TEAD1: variants seen among roughly 807,000 people sequenced by gnomAD.
TEAD1 encodes the protein transcriptional enhancer factor TEF-1.
In TEAD1, 9 loss-of-function variants were observed where a neutral mutation model predicts 54.9. The observed-to-expected ratio is 0.16, with a 90% CI of 0.10 to 0.29. TEAD1 has a LOEUF of 0.29. TEAD1 is among the 10% of genes least tolerant of loss of function. TEAD1 has a pLI of 1.00. For synonymous variants in TEAD1, 200 were observed against 187.8 expected (o/e 1.07, Z -0.53); for missense variants, 387 against 535.9 (o/e 0.72, Z 2.74).
At chr11:12,919,529 G>T (rs1266671766) in intron 10 of TEAD1, among the ~76,000 whole-genome samples, 2 of 151,864 alleles carry the variant, frequency 1.3e-5, no homozygotes, top group Non-Finnish European at 2.9e-5. Context: ...ATCTAGTTCT[G>T]TTACCCAGGC....
intron 9 of TEAD1, among the ~76,000 whole-genome samples, chr11:12,896,462 C>T (rs925299351): frequency 2.6e-5 from 4 of 152,180 alleles, no homozygotes; most frequent in African/African-American, 4.8e-5. Flanking sequence ...TTTCTGATAC[C>T]TTAAATATCT....
At chr11:12,936,285 C>T (rs944826577) in intron 12 of TEAD1, among the ~76,000 whole-genome samples, 8 of 152,020 alleles carry the variant, frequency 5.3e-5, no homozygotes, top group Admixed American at 2.0e-4. Context: ...ACTCAAAATA[C>T]GAGGGATAAT....
chr11:12,848,131 G>A (rs1341622862), intron 3 of TEAD1, among the ~76,000 whole-genome samples: 1 of 152,114 alleles, frequency 6.6e-6, no homozygotes, highest in Non-Finnish European at 1.5e-5. Flanking sequence ...TTCCGTCTTT[G>A]ATTACCATTG....
At chr11:12,683,189 A>G (rs1181836445) in intron 2 of TEAD1, among the ~76,000 whole-genome samples, 3 of 152,242 alleles carry the variant, frequency 2.0e-5, no homozygotes, top group Non-Finnish European at 1.5e-5. Flanking sequence ...AAGTTTCAAT[A>G]TGTATAAAAT....
At chr11:12,794,293 A>G (rs1945868092) in intron 3 of TEAD1, among the ~76,000 whole-genome samples, 1 of 152,170 alleles carries the variant, frequency 6.6e-6, no homozygotes, top group African/African-American at 2.4e-5. Context: ...TGTCATGTTC[A>G]TCTCTATCCT....
intron 3 of TEAD1, among the ~76,000 whole-genome samples, chr11:12,841,904 C>T (rs1947048569): frequency 6.6e-6 from 1 of 152,136 alleles, no homozygotes; most frequent in African/African-American, 2.4e-5. Flanking sequence ...CTTACCCGTT[C>T]ATATGAAATA....
At chr11:12,677,514 G>GA (rs1189207098) in intron 2 of TEAD1, among the ~76,000 whole-genome samples, 1 of 151,998 alleles carries the variant, frequency 6.6e-6, no homozygotes, top group African/African-American at 2.4e-5. Context: ...AAGTCATAAG[G>GA]AAAAAAATGT....
At chr11:12,851,908 G>T (rs1269192324) in intron 3 of TEAD1, among the ~76,000 whole-genome samples, 1 of 152,204 alleles carries the variant, frequency 6.6e-6, no homozygotes, top group Non-Finnish European at 1.5e-5. Flanking sequence ...TATTCTAGGA[G>T]GTGGATGAAT....
chr11:12,930,983 A>AG (rs1270357377), intron 12 of TEAD1, among the ~76,000 whole-genome samples: 1 of 152,224 alleles, frequency 6.6e-6, no homozygotes, highest in Non-Finnish European at 1.5e-5. Context: ...AAATCTGGCT[A>AG]GGCTGAGTAC....
At chr11:12,918,329 A>G (rs541192851) in intron 10 of TEAD1, among the ~76,000 whole-genome samples, 11 of 149,892 alleles carry the variant, frequency 7.3e-5, no homozygotes, top group African/African-American at 2.7e-4. Context: ...ATAAAATTAT[A>G]TATATCTTGA....
chr11:12,682,382 C>T (rs750473935), intron 2 of TEAD1, among the ~76,000 whole-genome samples: 10 of 152,244 alleles, frequency 6.6e-5, no homozygotes, highest in Non-Finnish European at 1.3e-4. Context: ...CAGTTGTTTC[C>T]AGATGTGATT....
At chr11:12,862,646 A>G (rs1947530039) in intron 4 of TEAD1, among the ~76,000 whole-genome samples, 1 of 152,228 alleles carries the variant, frequency 6.6e-6, no homozygotes, top group Non-Finnish European at 1.5e-5. Flanking sequence ...CTGCAAGTGC[A>G]AATGCACTTG....
intron 2 of TEAD1, among the ~76,000 whole-genome samples, chr11:12,700,347 C>T (rs778671906): frequency 6.6e-6 from 1 of 152,146 alleles, no homozygotes; most frequent in Admixed American, 6.6e-5. Flanking sequence ...TCCATTTAAA[C>T]CCTTTTGTTT....
intron 3 of TEAD1, among the ~76,000 whole-genome samples, chr11:12,828,817 T>C (rs1394555300): frequency 6.6e-6 from 1 of 151,466 alleles, no homozygotes; most frequent in Non-Finnish European, 1.5e-5. Context: ...TGTATAGCCT[T>C]ACTCCTGACT....
rs566818230 is a variant in TEAD1, at chr11:12,884,154, T to C, written c.699+1029T>C. ...CCCCACCCCCATCTTGTACCCATCGTCCCATTGTTTCTCAGCCAGGCATTT... is the reference window on the plus strand; with the variant it reads ...CCCCACCCCCATCTTGTACCCATCGCCCCATTGTTTCTCAGCCAGGCATTT... On this transcript the variant is annotated intron_variant, in intron 9 of 12. Coordinates refer to ENST00000527636, the MANE Select transcript of TEAD1 (RefSeq NM_021961.6). Among the ~76,000 whole-genome samples, 12 of 152,224 alleles carry C rather than the reference T, an allele frequency of 7.9e-5. No homozygotes were observed. In the East Asian group the frequency reaches 1.5e-3, roughly 20 times the overall value.
intron 2 of TEAD1, among the ~76,000 whole-genome samples, chr11:12,723,178 C>T (rs577424023): frequency 3.3e-5 from 5 of 152,188 alleles, no homozygotes; most frequent in African/African-American, 9.6e-5. Context: ...ACCAGCAGTG[C>T]GTGAAGGTAC....
chr11:12,837,887 C>G (rs369098570), intron 3 of TEAD1, among the ~76,000 whole-genome samples: 36 of 150,230 alleles, frequency 2.4e-4, no homozygotes, highest in East Asian at 9.8e-4. Context: ...AGTGAAACCT[C>G]TGCCTCCAGA....
intron 3 of TEAD1, among the ~76,000 whole-genome samples, chr11:12,857,649 A>C (rs971934585): frequency 6.7e-6 from 1 of 149,132 alleles, no homozygotes; most frequent in Admixed American, 6.7e-5. Context: ...TATGCTGCAT[A>C]GCTTGGAGAC....
Position 12,717,181 on chromosome 11 carries a change from TAAG to T in TEAD1, c.-55+41621_-55+41623del, listed in dbSNP as rs151135070. 3.6e-3 allele frequency among the ~76,000 whole-genome samples: 551 copies of T among 152,368 alleles called. 4 individuals are homozygous for T. Among genetic ancestry groups the T allele is most frequent in the African/African-American group, 0.013 (531 of 41,602 alleles). On this transcript the variant is annotated intron_variant, in intron 2 of 12. Transcript: ENST00000527636. ...AATATCCAGAGTGATTCGGGGCTAA[TAAG>T]TAGCCAGCAGAATTGAATGTGGGGC...
Sources: gnomAD v4.1 joint callset for allele counts (sites outside exome capture counted in the v4.1 genomes callset) on GRCh38, gnomAD v4.1.1 for gene constraint, MANE v1.5 for transcripts, NCBI Gene and HGNC (gene_info 2026-07-23, HGNC 2026-07-21) for gene names.